Variants in CTNND2 observed in about 807,000 individuals in gnomAD.
CTNND2 encodes catenin delta 2, also known as catenin delta-2.
A neutral mutation model predicts 144.4 loss-of-function variants in CTNND2; 22 were observed. That is an observed-to-expected ratio of 0.15 (90% confidence interval 0.11 to 0.22). The LOEUF (loss-of-function observed/expected upper bound fraction) is 0.22. CTNND2 is among the 10% of genes least tolerant of loss of function. The pLI is 1.00. For missense variants in CTNND2, 1,353 were observed against 1,618.8 expected, an observed-to-expected ratio of 0.84 and a Z score of 2.82; for synonymous variants, 751 against 695.6, an observed-to-expected ratio of 1.08 and a Z score of -1.25.
At chr5:11,824,587 G>A (rs1282891601) in intron 1 of CTNND2, among the ~76,000 whole-genome samples, 1 of 152,158 alleles carries the variant, frequency 6.6e-6, no homozygotes, top group Non-Finnish European at 1.5e-5. Flanking sequence ...ACACAAAGCA[G>A]AAGTCAGCTA....
rs113917149 is a variant in CTNND2, at chr5:11,718,040, C to T, written c.174+14096G>A. ...ACATCAGGACTCTTGAAATGAATTT[C>T]GCACATTCAATTCAATCTCAGTGGT... On this transcript the variant is annotated intron_variant, in intron 2 of 21. Transcript: ENST00000304623. Among the ~76,000 whole-genome samples, 1,273 of 152,146 alleles carry T rather than the reference C, an allele frequency of 8.4e-3. 11 individuals are homozygous for T. The highest frequency in any genetic ancestry group is 0.015 in the Non-Finnish European group (986 of 67,998).
intron 9 of CTNND2, among the ~76,000 whole-genome samples, chr5:11,344,094 G>T (rs1453158093): frequency 1.3e-5 from 2 of 152,114 alleles, no homozygotes; most frequent in African/African-American, 4.8e-5. Flanking sequence ...TTTAAATTTG[G>T]CACGTCTCTC....
intron 9 of CTNND2, among the ~76,000 whole-genome samples, chr5:11,259,228 G>A (rs1249860096): frequency 6.6e-6 from 1 of 152,136 alleles, no homozygotes; most frequent in Non-Finnish European, 1.5e-5. Flanking sequence ...TCCCACAAAT[G>A]CATGAGCCAA....
At chr5:11,891,614 G>C (rs1359094960) in intron 1 of CTNND2, among the ~76,000 whole-genome samples, 1 of 152,196 alleles carries the variant, frequency 6.6e-6, no homozygotes, top group Non-Finnish European at 1.5e-5. Context: ...AGACAGATGA[G>C]AGATCTACAA....
chr5:11,515,739 A>ATT lies in CTNND2; in HGVS notation c.287+49204_287+49205insAA, dbSNP rs528846351. Among the ~76,000 whole-genome samples, 620 of 152,308 alleles carry ATT rather than the reference A, an allele frequency of 4.1e-3. 5 individuals are homozygous for ATT. Among genetic ancestry groups the ATT allele is most frequent in the African/African-American group, 0.014 (591 of 41,540 alleles). ...GCAGAAGTGCATAGAAAATTTAAATACTCAAAGGTACAATTTTCTGTTAAA... is the reference window on the plus strand; with the variant it reads ...GCAGAAGTGCATAGAAAATTTAAATATTCTCAAAGGTACAATTTTCTGTTAAA... On this transcript the variant is annotated intron_variant, in intron 3 of 21. Transcript: ENST00000304623.
chr5:11,134,340 T>C (rs1220077923), intron 12 of CTNND2, among the ~76,000 whole-genome samples: 2 of 152,196 alleles, frequency 1.3e-5, no homozygotes, highest in Non-Finnish European at 2.9e-5. Flanking sequence ...ATACAGGCTC[T>C]TCTGTGCAAA....
intron 2 of CTNND2, among the ~76,000 whole-genome samples, chr5:11,694,465 A>C (rs1044323452): frequency 6.6e-6 from 1 of 151,980 alleles, no homozygotes; most frequent in African/African-American, 2.4e-5. Context: ...AAAAAAACAA[A>C]ACCAAACTGA....
chr5:11,240,339 TAC>T (rs2149904962), intron 9 of CTNND2, among the ~76,000 whole-genome samples: 1 of 28,060 alleles, frequency 3.6e-5, no homozygotes, highest in South Asian at 1.3e-3. Flanking sequence ...CCAACACACA[TAC>T]ACCCAACACA....
At chr5:11,814,025 T>C (rs1040986068) in intron 1 of CTNND2, among the ~76,000 whole-genome samples, 2 of 152,348 alleles carry the variant, frequency 1.3e-5, no homozygotes, top group African/African-American at 4.8e-5. Flanking sequence ...ATTATTTTAA[T>C]TTAGATGCTT....
At chr5:11,684,907 G>C (rs930175924) in intron 2 of CTNND2, among the ~76,000 whole-genome samples, 3 of 152,138 alleles carry the variant, frequency 2.0e-5, no homozygotes, top group Non-Finnish European at 4.4e-5. Flanking sequence ...TCCCACTATA[G>C]TCAAACAAGT....
intron 1 of CTNND2, among the ~76,000 whole-genome samples, chr5:11,864,831 C>T (rs1373770715): frequency 6.7e-6 from 1 of 149,412 alleles, no homozygotes; most frequent in Middle Eastern, 3.2e-3. Flanking sequence ...TACTAGTCTA[C>T]AGTGAATCAC....
At chr5:11,598,086 C>T (rs1779609073) in intron 2 of CTNND2, among the ~76,000 whole-genome samples, 1 of 152,154 alleles carries the variant, frequency 6.6e-6, no homozygotes, top group African/African-American at 2.4e-5. Flanking sequence ...TTTCTGTGTA[C>T]ATCCAATGAG....
chr5:11,832,530 G>A (rs1793962653), intron 1 of CTNND2, among the ~76,000 whole-genome samples: 1 of 152,156 alleles, frequency 6.6e-6, no homozygotes, highest in Admixed American at 6.5e-5. Flanking sequence ...AAAGAAGAGA[G>A]ACAGTTAGAA....
At chr5:11,726,388 G>A (rs1445137574) in intron 2 of CTNND2, among the ~76,000 whole-genome samples, 2 of 151,992 alleles carry the variant, frequency 1.3e-5, no homozygotes, top group Non-Finnish European at 2.9e-5. Flanking sequence ...TGAAAATTTT[G>A]TACAGATAAT....
chr5:11,291,537 A>C (rs1241287977), intron 9 of CTNND2, among the ~76,000 whole-genome samples: 1 of 150,558 alleles, frequency 6.6e-6, no homozygotes, highest in Non-Finnish European at 1.5e-5. Flanking sequence ...TGCACATGAC[A>C]CTCTCCTGCT....
intron 9 of CTNND2, among the ~76,000 whole-genome samples, chr5:11,274,700 C>A (rs1746352238): frequency 6.6e-6 from 1 of 151,506 alleles, no homozygotes; most frequent in African/African-American, 2.4e-5. Context: ...TAATTATCTT[C>A]TCCGTGCATA....
At chr5:11,667,906 T>A (rs1185854478) in intron 2 of CTNND2, among the ~76,000 whole-genome samples, 3 of 152,234 alleles carry the variant, frequency 2.0e-5, no homozygotes. Flanking sequence ...AGGTCTTACC[T>A]TTAAGGCTTT....
chr5:11,150,886 A>G (rs1757704076), intron 12 of CTNND2, among the ~76,000 whole-genome samples: 1 of 152,084 alleles, frequency 6.6e-6, no homozygotes, highest in Non-Finnish European at 1.5e-5. Context: ...TTGGCCTCTC[A>G]AAGTGCTGAG....
chr5:11,172,693 A>C (rs550405485), intron 11 of CTNND2, among the ~76,000 whole-genome samples: 5 of 152,336 alleles, frequency 3.3e-5, no homozygotes, highest in African/African-American at 9.6e-5. Flanking sequence ...ATGGGGAGGA[A>C]ATAACAAAGG....
Sources: allele counts gnomAD v4.1 joint callset (sites outside exome capture counted in the v4.1 genomes callset), GRCh38; gene constraint gnomAD v4.1.1; transcripts MANE v1.5; gene names NCBI Gene and HGNC (gene_info 2026-07-23, HGNC 2026-07-21).